MAP4K3: variants seen among roughly 807,000 people sequenced by gnomAD.
MAP4K3 encodes MAPK/ERK kinase kinase kinase 3.
In MAP4K3, 94 loss-of-function variants were observed where a neutral mutation model predicts 143.5. The ratio of observed to expected loss-of-function variants is 0.65; its 90% CI spans 0.55 to 0.78. The LOEUF is 0.78. Ranked by LOEUF, MAP4K3 falls within the 30% of genes least tolerant of loss-of-function variation. The probability of loss-of-function intolerance (pLI) is 0.00; values close to 1 mark genes in which losing one functional copy is unlikely to be tolerated. For missense variants in MAP4K3, 1,077 were observed against 1,068.1 expected (o/e 1.01, Z -0.12); for synonymous variants, 416 against 347.2 (o/e 1.20, Z -2.20).
intron 7 of MAP4K3, 80 bp from the exon 8 acceptor site, chr2:39,332,069 A>C: frequency 2.7e-6 from 2 of 731,808 alleles, no homozygotes; most frequent in Non-Finnish European, 4.4e-6. Flanking sequence ...AAACTTTTAA[A>C]AGTTATTTTT....
At chr2:39,259,975 C>T (rs1680500898) in intron 29 of MAP4K3, among the ~76,000 whole-genome samples, 1 of 152,102 alleles carries the variant, frequency 6.6e-6, no homozygotes, top group Non-Finnish European at 1.5e-5. Context: ...TGTGTTCATG[C>T]ACAATTGTTT....
intron 1 of MAP4K3, among the ~76,000 whole-genome samples, chr2:39,396,022 G>A (rs574695384): frequency 6.6e-6 from 1 of 152,144 alleles, no homozygotes; most frequent in South Asian, 2.1e-4. Flanking sequence ...TACAGGTTTG[G>A]TTTTTGGGGT....
rs538185832 is a variant in MAP4K3, at chr2:39,380,177, A to G, written c.97-2054T>C. ...TCTTTTGCTTTCTATGATGTTAGAA[A>G]TATCTTCCAATATGTAATTTATTTG... is the stretch of plus-strand genomic sequence containing the variant. On this transcript the variant is annotated intron_variant, in intron 1 of 33. Coordinates refer to ENST00000263881, the MANE Select transcript of MAP4K3 (RefSeq NM_003618.4). 9.3e-4 allele frequency among the ~76,000 whole-genome samples: 141 copies of G among 152,288 alleles called. 1 individual carries two copies. Among genetic ancestry groups the G allele is most frequent in the African/African-American group, 3.3e-3 (137 of 41,572 alleles).
At chr2:39,341,913 T>C (rs1665150701) in intron 4 of MAP4K3, among the ~76,000 whole-genome samples, 1 of 151,956 alleles carries the variant, frequency 6.6e-6, no homozygotes, top group African/African-American at 2.4e-5. Context: ...AAAGAACAAC[T>C]ATACTTAATT....
chr2:39,305,976 A>G (rs1164683983), intron 15 of MAP4K3, among the ~76,000 whole-genome samples: 1 of 152,054 alleles, frequency 6.6e-6, no homozygotes, highest in Admixed American at 6.6e-5. Context: ...CTACAGGCAC[A>G]TGCCACCATG....
intron 2 of MAP4K3, among the ~76,000 whole-genome samples, chr2:39,371,874 T>G (rs1666091317): frequency 6.6e-6 from 1 of 150,940 alleles, no homozygotes; most frequent in Non-Finnish European, 1.5e-5. Flanking sequence ...TACATCCTCT[T>G]GCTGAATTGA....
Position 39,250,797 on chromosome 2 carries a change from C to T in MAP4K3, c.2598-92G>A, listed in dbSNP as rs888525069. On this transcript the variant is annotated intron_variant, in intron 33 of 33. Coordinates refer to ENST00000263881, the MANE Select transcript of MAP4K3 (RefSeq NM_003618.4). ...TTTCCATTGCTTCTCCAATATGTGC[C>T]TCTATAAATGCTGCTCATTTGATCG... 19 of 923,300 alleles carry T rather than the reference C, an allele frequency of 2.1e-5. No homozygotes were observed. The African/African-American group carries it at 2.8e-4, about 14-fold the overall frequency. 57.2% of individuals were successfully genotyped at this position (923,300 alleles called of 1,614,324 possible).
intron 1 of MAP4K3, among the ~76,000 whole-genome samples, chr2:39,385,864 T>G (rs1240946868): frequency 6.6e-6 from 1 of 152,026 alleles, no homozygotes; most frequent in East Asian, 1.9e-4. Context: ...ACTCCTGACG[T>G]CAGGTGATCC....
chr2:39,310,772 A>G (rs1682912221), intron 13 of MAP4K3, among the ~76,000 whole-genome samples: 1 of 152,150 alleles, frequency 6.6e-6, no homozygotes, highest in Non-Finnish European at 1.5e-5. Flanking sequence ...TTTTAACAAC[A>G]GCCATTTAAA....
intron 2 of MAP4K3, among the ~76,000 whole-genome samples, chr2:39,363,805 T>C (rs760790317): frequency 1.5e-4 from 23 of 152,010 alleles, no homozygotes; most frequent in Non-Finnish European, 2.6e-4. Context: ...ATACAATTTT[T>C]GTCATTTATA....
intron 1 of MAP4K3, among the ~76,000 whole-genome samples, chr2:39,431,739 T>C (rs550108303): frequency 7.7e-4 from 117 of 152,326 alleles, no homozygotes; most frequent in Non-Finnish European, 1.2e-3. Flanking sequence ...TAAATACTTC[T>C]AGACACTAAC....
intron 2 of MAP4K3, among the ~76,000 whole-genome samples, chr2:39,361,342 ATTATATGTTTAC>A (rs1665765209): frequency 6.6e-6 from 1 of 152,136 alleles, no homozygotes; most frequent in Non-Finnish European, 1.5e-5. Flanking sequence ...CACTTAACAT[ATTATATGTTTAC>A]TTATATGTGT....
intron 1 of MAP4K3, among the ~76,000 whole-genome samples, chr2:39,385,305 G>C (rs746015315): frequency 6.6e-6 from 1 of 151,950 alleles, no homozygotes; most frequent in Non-Finnish European, 1.5e-5. Context: ...CAGAAGCAAC[G>C]CATGGTGGGG....
At chr2:39,385,970 T>C (rs1011012632) in intron 1 of MAP4K3, among the ~76,000 whole-genome samples, 2 of 152,108 alleles carry the variant, frequency 1.3e-5, no homozygotes, top group African/African-American at 4.8e-5. Flanking sequence ...TCTTCATTCT[T>C]GTTAACAGTG....
At chr2:39,311,830 T>C (rs1312836971) in intron 13 of MAP4K3, among the ~76,000 whole-genome samples, 1 of 152,230 alleles carries the variant, frequency 6.6e-6, no homozygotes, top group African/African-American at 2.4e-5. Context: ...TCTCAAAATC[T>C]GTTAGAGACA....
At chr2:39,363,134 T>A (rs1665816278) in intron 2 of MAP4K3, among the ~76,000 whole-genome samples, 1 of 152,178 alleles carries the variant, frequency 6.6e-6, no homozygotes, top group Non-Finnish European at 1.5e-5. Flanking sequence ...GCCAAAACAT[T>A]CATAATATTA....
At chr2:39,347,094 T>C (rs541365759) in intron 3 of MAP4K3, among the ~76,000 whole-genome samples, 1 of 151,360 alleles carries the variant, frequency 6.6e-6, no homozygotes, top group African/African-American at 2.5e-5. Flanking sequence ...TACATTCTCT[T>C]TCTCTCATGA....
intron 2 of MAP4K3, among the ~76,000 whole-genome samples, chr2:39,359,816 T>A (rs1331828435): frequency 6.6e-6 from 1 of 152,236 alleles, no homozygotes; most frequent in African/African-American, 2.4e-5. Context: ...TAGCCACGGC[T>A]GGAGCGGCTA....
At chr2:39,369,252 G>C (rs1000108454) in intron 2 of MAP4K3, among the ~76,000 whole-genome samples, 17 of 115,882 alleles carry the variant, frequency 1.5e-4, no homozygotes, top group African/African-American at 5.2e-4. Flanking sequence ...CTAGAGTGCA[G>C]TGGTGTGATC....
Sources: allele counts gnomAD v4.1 joint callset (sites outside exome capture counted in the v4.1 genomes callset), GRCh38; gene constraint gnomAD v4.1.1; transcripts MANE v1.5; gene names NCBI Gene and HGNC (gene_info 2026-07-23, HGNC 2026-07-21).